The following YY1AP1 variants were observed in gnomAD, a reference collection of about 807,000 sequenced individuals.
YY1AP1 encodes the protein YY1 associated protein 1.
Under a neutral mutation model 39.9 loss-of-function variants are expected in YY1AP1, and 43 were observed. The observed-to-expected ratio is 1.08, with a 90% confidence interval of 0.84 to 1.39. YY1AP1 has a LOEUF of 1.39. Ranked by LOEUF, YY1AP1 falls within the 40% of genes most tolerant of loss-of-function variation. The probability of loss-of-function intolerance (pLI) is 0.00; values close to 1 mark genes in which losing one functional copy is unlikely to be tolerated. For synonymous variants in YY1AP1, 292 were observed against 331.3 expected (o/e 0.88, Z 1.29); for missense variants, 813 against 900.7 (o/e 0.90, Z 1.25).
rs779536714 is a variant in YY1AP1 at position 155,679,331 on chromosome 1, T to G, written c.125+78A>C. 3 of 1,600,826 alleles carry G rather than the reference T, an allele frequency of 1.9e-6. No individual in the cohort carries two copies. In the African/African-American group the frequency reaches 4.0e-5, roughly 21 times the overall value. On this transcript the variant is annotated intron_variant, in intron 4 of 10. Coordinates refer to ENST00000355499, the MANE Select transcript of YY1AP1 (RefSeq NM_139119.3). ...GAAGCTGGCTGGGGATGAAAAATTGTTAACTGCAACTTCTGAAAACCTTTT... is the reference window on the plus strand; with the variant it reads ...GAAGCTGGCTGGGGATGAAAAATTGGTAACTGCAACTTCTGAAAACCTTTT...
chr1:155,664,920 C>A (rs1017062772), intron 9 of YY1AP1, among the ~76,000 whole-genome samples: 1 of 151,754 alleles, frequency 6.6e-6, no homozygotes, highest in Non-Finnish European at 1.5e-5. Context: ...CAGACGCCCG[C>A]CACCACACCC....
At chr1:155,679,640 T>G in intron 3 of YY1AP1, 128 bp from the exon 4 acceptor site, 1 of 1,541,934 alleles carries the variant, frequency 6.5e-7, no homozygotes, top group Non-Finnish European at 8.8e-7. Context: ...AGAGCCTACA[T>G]CAGAACCTTT....
intron 9 of YY1AP1, among the ~76,000 whole-genome samples, chr1:155,664,673 AAC>A (rs1453353049): frequency 6.6e-6 from 1 of 151,974 alleles, no homozygotes; most frequent in Non-Finnish European, 1.5e-5. Context: ...TGCAGTGAGC[AAC>A]AGTGAGACTC....
intron 2 of YY1AP1, among the ~76,000 whole-genome samples, chr1:155,681,927 CT>C (rs1340696900): frequency 6.6e-6 from 1 of 150,916 alleles, no homozygotes; most frequent in African/African-American, 2.4e-5. Context: ...TCCAGCGATC[CT>C]CCCACCTCAT....
intron 1 of YY1AP1, 73 bp from the exon 2 acceptor site, chr1:155,688,274 G>A (rs1652899093): frequency 6.3e-7 from 1 of 1,592,192 alleles, no homozygotes; most frequent in Non-Finnish European, 8.5e-7. Flanking sequence ...GGCGGATCCC[G>A]CAACCGACAC....
chr1:155,688,740 C>A lies in YY1AP1; in HGVS notation c.-233G>T, dbSNP rs983948468. 5.3e-6 allele frequency: 8 copies of A among 1,518,178 alleles called. No individual in the cohort carries two copies. The African/African-American group carries it at 8.3e-5, about 16-fold the overall frequency. The allele number at this position is 1,518,178 out of a possible 1,614,324, so 94.0% of individuals were successfully genotyped here. ...CCCCGCCCGCACGGCCACCAACCGCCGCCAAAGCAGCCGCCGCCAGCACCC... is the reference window on the plus strand; with the variant it reads ...CCCCGCCCGCACGGCCACCAACCGCAGCCAAAGCAGCCGCCGCCAGCACCC... On this transcript the variant is annotated 5_prime_UTR_variant, in exon 1 of 11. Transcript: ENST00000355499.
intron 2 of YY1AP1, among the ~76,000 whole-genome samples, chr1:155,682,120 T>G (rs1251563010): frequency 6.6e-6 from 1 of 152,232 alleles, no homozygotes; most frequent in East Asian, 1.9e-4. Flanking sequence ...CAGCTTGATT[T>G]TTTTTTATTT....
Position 155,670,431 on chromosome 1 carries a change from G to C in YY1AP1, c.617C>G (p.Ala206Gly). Residue 206 changes from alanine to glycine, a missense_variant, in exon 8 of 11, where the codon GCT becomes GGT. Physicochemically the swap from Ala to Gly is moderately conservative, Grantham distance 60. Coordinates refer to ENST00000355499, the MANE Select transcript of YY1AP1 (RefSeq NM_139119.3). Reference sequence around the variant, plus strand: ...AACCTTGCTTGTGGCCAGGATCCAAGCCACTTGCTTTGGCAAACAGGGAAA... The same window carrying C: ...AACCTTGCTTGTGGCCAGGATCCAACCCACTTGCTTTGGCAAACAGGGAAA... ...NEFPCLPKQV[A>G]WILATSKVFM... 2 of 1,614,160 alleles carry C rather than the reference G, an allele frequency of 1.2e-6. No homozygotes were observed. The highest frequency in any genetic ancestry group is 1.1e-5 in the South Asian group (1 of 91,072).
chr1:155,678,351 A>T (rs975361779), intron 4 of YY1AP1, among the ~76,000 whole-genome samples: 12 of 152,250 alleles, frequency 7.9e-5, no homozygotes, highest in African/African-American at 2.7e-4. Context: ...TATTCCATTG[A>T]ATACCAGAAG....
upstream of YY1AP1, chr1:155,688,993 G>A (rs1459750738): frequency 1.1e-5 from 17 of 1,602,650 alleles, no homozygotes; most frequent in Non-Finnish European, 1.4e-5. Context: ...GCGGCGAGGG[G>A]ATCGAGGGCG....
intron 2 of YY1AP1, among the ~76,000 whole-genome samples, chr1:155,680,936 T>C (rs367929570): frequency 6.6e-6 from 1 of 151,842 alleles, no homozygotes; most frequent in East Asian, 1.9e-4. Context: ...TTTAGATGCT[T>C]GGGATATATG....
intron 4 of YY1AP1, among the ~76,000 whole-genome samples, chr1:155,677,830 C>A (rs1650937702): frequency 6.6e-6 from 1 of 152,150 alleles, no homozygotes; most frequent in Admixed American, 6.6e-5. Flanking sequence ...ATAGCCTGCA[C>A]TTAGTTTTAA....
intron 2 of YY1AP1, among the ~76,000 whole-genome samples, chr1:155,681,421 A>G (rs1651495723): frequency 6.6e-6 from 1 of 152,178 alleles, no homozygotes; most frequent in South Asian, 2.1e-4. Context: ...AAATGTCAAC[A>G]TATCTCTAAA....
rs540714742 is a variant in YY1AP1 at position 155,678,922 on chromosome 1, G to A, written c.125+487C>T. ...TTAAAGCCTCTACTTTCTGGATGCTGTAACACAAGTGCCAACTTTAGGCAA... is the reference window on the plus strand; with the variant it reads ...TTAAAGCCTCTACTTTCTGGATGCTATAACACAAGTGCCAACTTTAGGCAA... On this transcript the variant is annotated intron_variant, in intron 4 of 10. Transcript: ENST00000355499. 2.7e-3 allele frequency among the ~76,000 whole-genome samples: 418 copies of A among 152,338 alleles called. 2 individuals are homozygous for A. The highest frequency in any genetic ancestry group is 9.7e-3 in the African/African-American group (402 of 41,574).
At chr1:155,661,023 A>C (rs1648021130) in intron 10 of YY1AP1, 110 bp from the exon 11 acceptor site, 1 of 1,559,246 alleles carries the variant, frequency 6.4e-7, no homozygotes, top group Non-Finnish European at 8.7e-7. Context: ...TTTCCAAGGG[A>C]CTCTGCATAT....
At chr1:155,681,109 C>A (rs542970328) in intron 2 of YY1AP1, among the ~76,000 whole-genome samples, 79 of 151,356 alleles carry the variant, frequency 5.2e-4, no homozygotes, top group Middle Eastern at 6.8e-3. Context: ...TGGCTCACTG[C>A]AACCTCCGCC....
At chr1:155,665,556 C>T (rs530168083) in intron 9 of YY1AP1, among the ~76,000 whole-genome samples, 4 of 151,614 alleles carry the variant, frequency 2.6e-5, no homozygotes, top group East Asian at 3.9e-4. Context: ...CCAAGATCAT[C>T]GCGCCTTTGG....
chr1:155,672,880 T>A (rs192617611), intron 6 of YY1AP1, 149 bp from the exon 7 acceptor site: 1 of 1,071,956 alleles, frequency 9.3e-7, no homozygotes, highest in East Asian at 2.5e-5. Flanking sequence ...AAACTACTGT[T>A]AAGATTATGC....
At chr1:155,682,057 T>C (rs1324593225) in intron 2 of YY1AP1, among the ~76,000 whole-genome samples, 5 of 152,164 alleles carry the variant, frequency 3.3e-5, no homozygotes, top group African/African-American at 1.2e-4. Context: ...TCTCTAAATA[T>C]AGTTTGACAG....
Sources: gnomAD v4.1 joint callset for allele counts (sites outside exome capture counted in the v4.1 genomes callset) on GRCh38, gnomAD v4.1.1 for gene constraint, MANE v1.5 for transcripts, NCBI Gene and HGNC (gene_info 2026-07-23, HGNC 2026-07-21) for gene names.